The following UNC5B variants were observed in gnomAD, a reference collection of about 807,000 sequenced individuals.
UNC5B encodes the protein unc-5 netrin receptor B.
A neutral mutation model predicts 103.7 loss-of-function variants in UNC5B; 56 were observed. That is an observed-to-expected ratio of 0.54 (90% CI 0.44 to 0.67). The LOEUF (loss-of-function observed/expected upper bound fraction) is 0.67. Among genes scored for constraint, UNC5B ranks in the 30% least tolerant of loss-of-function variants. The pLI is 0.00. For missense variants in UNC5B, 1,194 were observed against 1,284.5 expected, an observed-to-expected ratio of 0.93 and a Z score of 1.08; for synonymous variants, 577 against 542.0, an observed-to-expected ratio of 1.06 and a Z score of -0.90.
chr10:71,237,560 A>G (rs1374499934), intron 1 of UNC5B, among the ~76,000 whole-genome samples: 1 of 152,128 alleles, frequency 6.6e-6, no homozygotes, highest in Non-Finnish European at 1.5e-5. Context: ...AGACGTCAAT[A>G]AGTAAATACA....
chr10:71,264,645 G>A (rs987096136), intron 1 of UNC5B, among the ~76,000 whole-genome samples: 4 of 152,220 alleles, frequency 2.6e-5, no homozygotes, highest in African/African-American at 9.6e-5. Flanking sequence ...TGATATTTCT[G>A]TCGGGAGGCA....
At chr10:71,273,720 C>T (rs1844700132) in intron 1 of UNC5B, among the ~76,000 whole-genome samples, 3 of 152,342 alleles carry the variant, frequency 2.0e-5, no homozygotes, top group South Asian at 2.1e-4. Context: ...CCTAGACGGG[C>T]GCCCTGTTGC....
chr10:71,283,333 C>T (rs2394785), intron 2 of UNC5B, among the ~76,000 whole-genome samples: 36,453 of 152,076 alleles, frequency 0.24, 5,340 homozygotes, highest in African/African-American at 0.41. Context: ...CCGGGCTGGG[C>T]GCTGTGGCGG....
intron 1 of UNC5B, among the ~76,000 whole-genome samples, chr10:71,259,157 A>G (rs898786491): frequency 1.3e-5 from 2 of 152,212 alleles, no homozygotes. Flanking sequence ...TGGGAGGCCA[A>G]TGCAATAGGA....
intron 1 of UNC5B, among the ~76,000 whole-genome samples, chr10:71,224,680 C>A (rs553285420): frequency 6.6e-6 from 1 of 152,214 alleles, no homozygotes; most frequent in South Asian, 2.1e-4. Context: ...ATAAACTGGG[C>A]CCCCAATTGG....
chr10:71,263,235 C>T (rs529533439), intron 1 of UNC5B, among the ~76,000 whole-genome samples: 3 of 152,316 alleles, frequency 2.0e-5, no homozygotes, highest in African/African-American at 7.2e-5. Flanking sequence ...GTGCTCAGGC[C>T]CAGCTCTGCC....
chr10:71,254,969 A>G, intron 1 of UNC5B, among the ~76,000 whole-genome samples: 1 of 152,144 alleles, frequency 6.6e-6, no homozygotes, highest in South Asian at 2.1e-4. Context: ...CCCAGACACA[A>G]CTACTACTTG....
In UNC5B at chr10:71,293,005, C is replaced by T. The variant is rs140384737; in HGVS notation, c.1773-400C>T. On this transcript the variant is annotated intron_variant, in intron 11 of 16. Transcript: ENST00000335350. ...ATTATTATTAAGGAATTTGCAAGGA[C>T]CTTTTCCCAAATGATAATACCCTCT... 1.4e-4 allele frequency among the ~76,000 whole-genome samples: 22 copies of T among 152,286 alleles called. No individual in the cohort carries two copies. In the East Asian group the frequency reaches 3.7e-3, roughly 25 times the overall value.
chr10:71,286,903 G>A (rs369580046), intron 5 of UNC5B, 34 bp downstream of exon 5: 345 of 1,604,120 alleles, frequency 2.2e-4, no homozygotes, highest in Non-Finnish European at 2.7e-4. Flanking sequence ...GGGCAGACAC[G>A]GCCAAGGGAG....
chr10:71,285,485 C>CCAGG, intron 4 of UNC5B, 56 bp downstream of exon 4: 1 of 1,431,950 alleles, frequency 7.0e-7, no homozygotes, highest in East Asian at 2.5e-5. Context: ...CCTGCAGAAG[C>CCAGG]CAGGCAGGCA....
Position 71,294,675 on chromosome 10 carries a change from C to A in UNC5B, c.2175+742C>A, listed in dbSNP as rs114493761. Among the ~76,000 whole-genome samples the A allele has an allele frequency of 3.5e-3, 526 of 152,126 alleles. 6 individuals are homozygous for A. The highest frequency in any genetic ancestry group is 0.012 in the African/African-American group (512 of 41,512). ...AGTGGGAGAGGGAAGTTAAGGCTGA[C>A]AGCCAGGCTCCTAGCATATGCAGAA... is the stretch of plus-strand genomic sequence containing the variant. On this transcript the variant is annotated intron_variant, in intron 13 of 16. Coordinates refer to ENST00000335350, the MANE Select transcript of UNC5B (RefSeq NM_170744.5).
intron 1 of UNC5B, among the ~76,000 whole-genome samples, chr10:71,254,761 G>T (rs1197870160): frequency 2.0e-5 from 3 of 152,220 alleles, no homozygotes; most frequent in Non-Finnish European, 4.4e-5. Flanking sequence ...CTGTGCACGT[G>T]GTGAGCCTCC....
rs1197780490 is a variant in UNC5B at position 71,224,364 on chromosome 10, G to GACGCACACACACACAC, written c.79+11302_79+11303insGCACACACACACACAC. On this transcript the variant is annotated intron_variant, in intron 1 of 16. Transcript: ENST00000335350. ...CTGGTCCATCCCACTTCTGTATGTA[G>GACGCACACACACACAC]ACACACACACACACACACACACACA... Among the ~76,000 whole-genome samples, 31 of 97,348 alleles carry GACGCACACACACACAC rather than the reference G, an allele frequency of 3.2e-4. 5 individuals are homozygous for GACGCACACACACACAC. Among genetic ancestry groups the GACGCACACACACACAC allele is most frequent in the African/African-American group, 8.0e-4 (21 of 26,196 alleles). The allele number at this position is 97,348 out of a possible 152,430, so 63.9% of individuals were successfully genotyped here.
chr10:71,262,320 G>T (rs1235291849), intron 1 of UNC5B, among the ~76,000 whole-genome samples: 1 of 152,052 alleles, frequency 6.6e-6, no homozygotes, highest in African/African-American at 2.4e-5. Context: ...GGAGTGGGTT[G>T]GGGGAGGGAG....
At chr10:71,262,458 G>A (rs1010296082) in intron 1 of UNC5B, among the ~76,000 whole-genome samples, 2 of 152,088 alleles carry the variant, frequency 1.3e-5, no homozygotes, top group African/African-American at 4.8e-5. Context: ...ATCGTTGGGA[G>A]GGATGGGGCA....
At chr10:71,285,530 A>T in intron 4 of UNC5B, 101 bp downstream of exon 4, 1 of 1,009,520 alleles carries the variant, frequency 9.9e-7, no homozygotes, top group Non-Finnish European at 1.4e-6. Flanking sequence ...CTAGTCTCCC[A>T]GAGCCCTGCC....
intron 1 of UNC5B, among the ~76,000 whole-genome samples, chr10:71,221,805 GCCA>G (rs1007769139): frequency 4.2e-4 from 64 of 152,298 alleles, no homozygotes; most frequent in African/African-American, 1.5e-3. Flanking sequence ...TCCTGGCAGT[GCCA>G]CCATCTGGCT....
intron 1 of UNC5B, among the ~76,000 whole-genome samples, chr10:71,230,877 G>A (rs542871042): frequency 7.2e-5 from 11 of 152,350 alleles, no homozygotes; most frequent in African/African-American, 2.6e-4. Context: ...CTTGTACCAT[G>A]GCTGGAACAC....
intron 1 of UNC5B, among the ~76,000 whole-genome samples, 199 bp from the exon 2 acceptor site, chr10:71,279,621 AG>A (rs1844864373): frequency 6.6e-6 from 1 of 152,240 alleles, no homozygotes; most frequent in Non-Finnish European, 1.5e-5. Context: ...GCCTCTTAAA[AG>A]CAGGGCAAGA....
Sources: gnomAD v4.1 joint callset for allele counts (sites outside exome capture counted in the v4.1 genomes callset) on GRCh38, gnomAD v4.1.1 for gene constraint, MANE v1.5 for transcripts, NCBI Gene and HGNC (gene_info 2026-07-23, HGNC 2026-07-21) for gene names.